Variants in BTD observed in about 807,000 individuals in gnomAD.
BTD encodes biocytinase.
A neutral mutation model predicts 17.7 loss-of-function variants in BTD; 13 were observed. The ratio of observed to expected loss-of-function variants is 0.74; its 90% CI spans 0.48 to 1.17. BTD has a LOEUF of 1.17. BTD is among the 50% of genes most tolerant of loss of function. The pLI, the probability that BTD is intolerant of heterozygous loss-of-function variation, is 0.00. For synonymous variants in BTD, 240 were observed against 245.2 expected (o/e 0.98, Z 0.20); for missense variants, 674 against 650.4 (o/e 1.04, Z -0.39).
chr3:15,641,508 G>A (rs1284076586), intron 2 of BTD, among the ~76,000 whole-genome samples: 3 of 152,296 alleles, frequency 2.0e-5, no homozygotes, highest in African/African-American at 4.8e-5. Flanking sequence ...AAGATACCAC[G>A]TGTGTTAATG....
chr3:15,679,953 G>T (rs924667515), intron 3 of BTD, among the ~76,000 whole-genome samples: 1 of 151,998 alleles, frequency 6.6e-6, no homozygotes, highest in Admixed American at 6.5e-5. Context: ...AAGTAATCCA[G>T]AGATGATTTA....
chr3:15,714,563 A>G (rs367741961), downstream of BTD: 622 of 1,554,362 alleles, frequency 4.0e-4, no homozygotes, highest in Non-Finnish European at 5.2e-4. Flanking sequence ...AAAAAAAAAC[A>G]GAAATACTTT....
At chr3:15,604,476 C>A (rs2064383096) in intron 1 of BTD, among the ~76,000 whole-genome samples, 1 of 152,176 alleles carries the variant, frequency 6.6e-6, no homozygotes. Flanking sequence ...GGTTTCTGGG[C>A]CTGTGATGGG....
chr3:15,679,404 G>A (rs1402941449), intron 3 of BTD: 4 of 1,613,158 alleles, frequency 2.5e-6, no homozygotes, highest in Non-Finnish European at 3.4e-6. Flanking sequence ...GTAACAAGGT[G>A]ATCATTCTCA....
intron 3 of BTD, among the ~76,000 whole-genome samples, chr3:15,679,932 T>C (rs1199076048): frequency 2.6e-5 from 4 of 151,868 alleles, no homozygotes; most frequent in African/African-American, 7.3e-5. Flanking sequence ...TTACATTACA[T>C]TGGTTATTAT....
At chr3:15,604,580 T>G (rs116379369) in intron 1 of BTD, among the ~76,000 whole-genome samples, 43 of 152,372 alleles carry the variant, frequency 2.8e-4, no homozygotes, top group Non-Finnish European at 5.3e-4. Flanking sequence ...TATGCAAATT[T>G]CTGCTGCCAG....
At chr3:15,694,787 C>A in intron 3 of BTD, 1 of 1,613,538 alleles carries the variant, frequency 6.2e-7, no homozygotes. Flanking sequence ...AATCACTCAG[C>A]ATGTCTGTTC....
At chr3:15,655,810 G>C (rs1045276714), downstream of BTD, among the ~76,000 whole-genome samples, 6 of 152,156 alleles carry the variant, frequency 3.9e-5, no homozygotes, top group Non-Finnish European at 8.8e-5. Context: ...TTTTTACTTT[G>C]TTTTGTTTTT....
intron 1 of BTD, among the ~76,000 whole-genome samples, chr3:15,612,653 T>C (rs1449522056): frequency 1.3e-5 from 2 of 152,272 alleles, no homozygotes; most frequent in Non-Finnish European, 1.5e-5. Context: ...AATATGCTTT[T>C]ATTTCTGGTG....
At chr3:15,625,076 A>G (rs1275833140) in intron 1 of BTD, among the ~76,000 whole-genome samples, 1 of 152,152 alleles carries the variant, frequency 6.6e-6, no homozygotes, top group Non-Finnish European at 1.5e-5. Context: ...TTTACCTTTT[A>G]GTATACCTTG....
At chr3:15,603,766 G>A (rs1381598363) in intron 1 of BTD, among the ~76,000 whole-genome samples, 4 of 152,246 alleles carry the variant, frequency 2.6e-5, no homozygotes, top group Non-Finnish European at 5.9e-5. Flanking sequence ...TTCCAAATGG[G>A]AGAAATTGGT....
At chr3:15,626,069 C>G (rs1377877152) in intron 1 of BTD, among the ~76,000 whole-genome samples, 1 of 152,054 alleles carries the variant, frequency 6.6e-6, no homozygotes, top group Non-Finnish European at 1.5e-5. Flanking sequence ...TATCTGATAC[C>G]TAATTCTAAT....
chr3:15,695,261 T>C lies in BTD; in HGVS notation c.400-14799T>C, dbSNP rs368951171. The stretch of plus-strand genomic sequence containing the variant: ...AAATATTTAGCTTGGGAAGTATTCA[T>C]CTATATTAAGTCTCAACTTATATAG... On this transcript the variant is annotated intron_variant, in intron 3 of 3. Transcript: ENST00000672141. 9.7e-5 allele frequency: 136 copies of C among 1,396,106 alleles called. No homozygotes were observed. In the African/African-American group the frequency reaches 1.7e-3, roughly 18 times the overall value. 86.5% of individuals were successfully genotyped at this position (1,396,106 alleles called of 1,614,324 possible).
At chr3:15,679,094 C>T (rs1489664725) in intron 3 of BTD, among the ~76,000 whole-genome samples, 1 of 152,048 alleles carries the variant, frequency 6.6e-6, no homozygotes, top group African/African-American at 2.4e-5. Flanking sequence ...CCTGCCTCAG[C>T]CTCCTGAACA....
chr3:15,601,886 TA>T lies in BTD; in HGVS notation c.-23del, dbSNP rs1452999956. On this transcript the variant is annotated 5_prime_UTR_variant, in exon 1 of 4. Transcript: ENST00000643237. ...CGCATATTCAGGGCGGAAGGCGCGC[TA>T]AGAGCAGGTACGGAGGGGGCGTGGT... The T allele has an allele frequency of 6.2e-7, 1 of 1,613,878 alleles. No homozygotes were observed. The highest frequency in any genetic ancestry group is 1.1e-5 in the South Asian group (1 of 91,056).
At chr3:15,618,174 G>A (rs867147021) in intron 1 of BTD, among the ~76,000 whole-genome samples, 1 of 152,176 alleles carries the variant, frequency 6.6e-6, no homozygotes, top group African/African-American at 2.4e-5. Context: ...ATTTTGCCCA[G>A]GCTGGTGGTC....
rs745736141 is a variant in BTD at position 15,601,841 on chromosome 3, T to C, written c.-70T>C. 5.0e-6 allele frequency: 8 copies of C among 1,613,942 alleles called. No individual in the cohort carries two copies. The South Asian group carries it at 7.7e-5, about 16-fold the overall frequency. On this transcript the variant is annotated 5_prime_UTR_variant, in exon 1 of 4. Coordinates refer to ENST00000643237, the MANE Select transcript of BTD (RefSeq NM_001370658.1). ...GCCAGCTGGAGCGTTTTCGGGGCTG[T>C]AAAGGGAGAATGGCGCATGCGCATA...
chr3:15,655,809 T>C (rs979350080), downstream of BTD, among the ~76,000 whole-genome samples: 3 of 152,250 alleles, frequency 2.0e-5, no homozygotes, highest in African/African-American at 7.2e-5. Flanking sequence ...GTTTTTACTT[T>C]GTTTTGTTTT....
intron 3 of BTD, among the ~76,000 whole-genome samples, chr3:15,682,439 TATC>T (rs1157933410): frequency 6.6e-6 from 1 of 152,168 alleles, no homozygotes; most frequent in Non-Finnish European, 1.5e-5. Flanking sequence ...CATAACTTTC[TATC>T]ATCATTTATG....
Sources: gnomAD v4.1 joint callset for allele counts (sites outside exome capture counted in the v4.1 genomes callset) on GRCh38, gnomAD v4.1.1 for gene constraint, MANE v1.5 for transcripts, NCBI Gene and HGNC (gene_info 2026-07-23, HGNC 2026-07-21) for gene names.